NIM1K: variants seen among roughly 807,000 people sequenced by gnomAD.
The protein encoded by NIM1K is NIM1 serine/threonine protein kinase, also known as serine/threonine-protein kinase NIM1.
A neutral mutation model predicts 37.1 loss-of-function variants in NIM1K; 35 were observed. The observed-to-expected ratio is 0.94, with a 90% CI of 0.72 to 1.25. NIM1K has a LOEUF of 1.25. Among genes scored for constraint, NIM1K ranks in the 50% most tolerant of loss-of-function variants. The pLI, the probability that NIM1K is intolerant of heterozygous loss-of-function variation, is 0.00. For synonymous variants in NIM1K, 234 were observed against 206.6 expected, an observed-to-expected ratio of 1.13 and a Z score of -1.14; for missense variants, 564 against 548.0, an observed-to-expected ratio of 1.03 and a Z score of -0.29.
At chr5:43,218,184 T>C (rs1238258165) in intron 1 of NIM1K, among the ~76,000 whole-genome samples, 1 of 151,948 alleles carries the variant, frequency 6.6e-6, no homozygotes, top group African/African-American at 2.4e-5. Flanking sequence ...CTAATTTTTG[T>C]ATTTTTAGTA....
At chr5:43,213,935 C>T (rs201765337) in intron 1 of NIM1K, among the ~76,000 whole-genome samples, 9 of 149,628 alleles carry the variant, frequency 6.0e-5, no homozygotes, top group African/African-American at 2.2e-4. Context: ...AGCTCTTTCT[C>T]TCTTTCTTTC....
chr5:43,273,457 C>T (rs1401785912), intron 2 of NIM1K, among the ~76,000 whole-genome samples: 3 of 152,198 alleles, frequency 2.0e-5, no homozygotes, highest in African/African-American at 7.2e-5. Context: ...GATCCACCCG[C>T]CTCGGCCTCC....
rs753605184 is a variant in NIM1K at position 43,246,016 on chromosome 5, G to A, written c.241G>A (p.Gly81Arg). ...CTTCTACCGAATTCGAGGGGAAATC[G>A]GAAGTGGAAACTTCTCCCAAGTGAA... ...IGFYRIRGEIGSGNFSQVKLG... is the reference protein window; with the variant it reads ...IGFYRIRGEIRSGNFSQVKLG... Residue 81 changes from glycine to arginine, a missense_variant, in exon 2 of 4, where the codon GGA (glycine) becomes AGA (arginine). By Grantham distance (125) the Gly-to-Arg change is moderately radical. Transcript: ENST00000326035. 9.9e-6 allele frequency: 16 copies of A among 1,613,904 alleles called. No homozygotes were observed. The highest frequency in any genetic ancestry group is 8.9e-5 in the East Asian group (4 of 44,870).
chr5:43,204,439 C>T (rs554307048), intron 1 of NIM1K, among the ~76,000 whole-genome samples: 3 of 151,646 alleles, frequency 2.0e-5, no homozygotes, highest in Non-Finnish European at 2.9e-5. Flanking sequence ...TGGTGGCTCA[C>T]GCCTATAATC....
intron 1 of NIM1K, among the ~76,000 whole-genome samples, chr5:43,233,550 A>C (rs921263668): frequency 3.9e-5 from 6 of 152,238 alleles, no homozygotes; most frequent in Non-Finnish European, 5.9e-5. Flanking sequence ...CCTTATCCAT[A>C]GCCATAGCCT....
chr5:43,260,178 A>T (rs1026416716), intron 2 of NIM1K, among the ~76,000 whole-genome samples: 1 of 152,126 alleles, frequency 6.6e-6, no homozygotes, highest in Admixed American at 6.5e-5. Flanking sequence ...GCAAACAGAG[A>T]TGGTTTGACT....
At chr5:43,228,716 A>T (rs1009832881) in intron 1 of NIM1K, among the ~76,000 whole-genome samples, 1 of 151,778 alleles carries the variant, frequency 6.6e-6, no homozygotes, top group Admixed American at 6.6e-5. Flanking sequence ...CTGTGATCCC[A>T]GCTACTTGGG....
chr5:43,197,227 C>G (rs1751931237), intron 1 of NIM1K, among the ~76,000 whole-genome samples: 1 of 152,132 alleles, frequency 6.6e-6, no homozygotes, highest in Non-Finnish European at 1.5e-5. Context: ...CTTCTGGGCA[C>G]AAGTGATCCT....
At chr5:43,200,069 G>T (rs1005344474) in intron 1 of NIM1K, among the ~76,000 whole-genome samples, 16 of 152,062 alleles carry the variant, frequency 1.1e-4, no homozygotes, top group African/African-American at 3.9e-4. Flanking sequence ...AGCAGAGACG[G>T]GGTTTCTTGG....
At chr5:43,214,825 A>AAC (rs1554013718) in intron 1 of NIM1K, among the ~76,000 whole-genome samples, 73 of 148,652 alleles carry the variant, frequency 4.9e-4, no homozygotes, top group Admixed American at 1.4e-3. Context: ...AAAAAAAAAA[A>AAC]AAAAAACAAA....
Position 43,274,932 on chromosome 5 carries a change from G to A in NIM1K, c.293-2125G>A, listed in dbSNP as rs574000448. Among the ~76,000 whole-genome samples the A allele has an allele frequency of 4.6e-5, 7 of 152,286 alleles. No individual in the cohort carries two copies. In the East Asian group the frequency reaches 1.3e-3, roughly 29 times the overall value. ...TCCTGTTCTGTCTGTTTGCTTGCCA[G>A]GTAACCTCTTTGTTATCTAATTCAA... On this transcript the variant is annotated intron_variant, in intron 2 of 3. Coordinates refer to ENST00000326035, the MANE Select transcript of NIM1K (RefSeq NM_153361.4).
chr5:43,212,821 G>A (rs964003078), intron 1 of NIM1K, among the ~76,000 whole-genome samples: 5 of 152,166 alleles, frequency 3.3e-5, no homozygotes, highest in Admixed American at 6.5e-5. Flanking sequence ...CATGCACTTG[G>A]GTCTAGTGTT....
chr5:43,201,690 G>T (rs1439793590), intron 1 of NIM1K, among the ~76,000 whole-genome samples: 5 of 151,820 alleles, frequency 3.3e-5, no homozygotes, highest in Admixed American at 3.3e-4. Flanking sequence ...ACCGGGCGTG[G>T]TGGTTCATGC....
At chr5:43,251,557 A>G (rs141883474) in intron 2 of NIM1K, among the ~76,000 whole-genome samples, 2 of 152,330 alleles carry the variant, frequency 1.3e-5, no homozygotes, top group Non-Finnish European at 2.9e-5. Context: ...GAGTACTCAC[A>G]TGTATTGAGT....
In NIM1K at chr5:43,201,973, CA is replaced by C. The variant is rs1233857895; in HGVS notation, c.-695+9579del. 0.022 allele frequency among the ~76,000 whole-genome samples: 1,996 copies of C among 89,000 alleles called. 105 individuals carry two copies. The East Asian group carries it at 0.25, about 11-fold the overall frequency. The allele number at this position is 89,000 out of a possible 152,430, so 58.4% of individuals were successfully genotyped here. A position where few individuals can be genotyped will look rare whatever the true frequency, so the allele number is the denominator to read the frequency against. ...ACTCCCTCTGAGCGAGACTCCCTCTCAAAAAAAAAAAAAAAAAGAAAGATAT... is the reference window on the plus strand; with the variant it reads ...ACTCCCTCTGAGCGAGACTCCCTCTCAAAAAAAAAAAAAAAAGAAAGATAT... On this transcript the variant is annotated intron_variant, in intron 1 of 3. Coordinates refer to ENST00000326035, the MANE Select transcript of NIM1K (RefSeq NM_153361.4).
At chr5:43,223,032 C>T (rs531274175) in intron 1 of NIM1K, among the ~76,000 whole-genome samples, 2 of 150,722 alleles carry the variant, frequency 1.3e-5, no homozygotes, top group African/African-American at 2.4e-5. Context: ...CCAGCTACTC[C>T]GGAGGCTGAG....
chr5:43,244,770 T>A lies in NIM1K; in HGVS notation c.-694-312T>A, dbSNP rs1752751950. Among the ~76,000 whole-genome samples the A allele has an allele frequency of 1.3e-5, 2 of 152,254 alleles. 1 individual carries two copies. The highest frequency in any genetic ancestry group is 4.1e-4 in the South Asian group (2 of 4,834). ...GAATCTTTCATCTTTGCTATCATAT[T>A]ATTTTTAAAATTTGGTTTTAAAGCA... On this transcript the variant is annotated intron_variant, in intron 1 of 3. Transcript: ENST00000326035.
At chr5:43,238,344 A>G (rs1302744950) in intron 1 of NIM1K, among the ~76,000 whole-genome samples, 2 of 151,900 alleles carry the variant, frequency 1.3e-5, no homozygotes, top group African/African-American at 2.4e-5. Flanking sequence ...CGCCCGGCCA[A>G]TTTAATTCTT....
chr5:43,197,291 G>C (rs1751932312), intron 1 of NIM1K, among the ~76,000 whole-genome samples: 1 of 151,678 alleles, frequency 6.6e-6, no homozygotes, highest in Admixed American at 6.6e-5. Context: ...ATCATGTCCA[G>C]CTAAGTTTTT....
Sources: gnomAD v4.1 joint callset for allele counts (sites outside exome capture counted in the v4.1 genomes callset) on GRCh38, gnomAD v4.1.1 for gene constraint, MANE v1.5 for transcripts, NCBI Gene and HGNC (gene_info 2026-07-23, HGNC 2026-07-21) for gene names.